ZFHX3: variants seen among roughly 807,000 people sequenced by gnomAD.
The protein encoded by ZFHX3 is zinc finger homeobox protein 3.
ZFHX3 carries 42 observed loss-of-function variants against 279.1 expected under a neutral mutation model. That is an observed-to-expected ratio of 0.15 (90% CI 0.12 to 0.19). The LOEUF (loss-of-function observed/expected upper bound fraction) is 0.19, where lower values mean the gene tolerates loss of function less well. ZFHX3 is among the 10% of genes least tolerant of loss of function. The pLI, the probability that ZFHX3 is intolerant of heterozygous loss-of-function variation, is 1.00. For missense variants in ZFHX3, 4,981 were observed against 4,754.0 expected, an observed-to-expected ratio of 1.05 and a Z score of -1.40; for synonymous variants, 2,293 against 1,957.8, an observed-to-expected ratio of 1.17 and a Z score of -4.52.
intron 9 of ZFHX3, chr16:72,791,748 C>G (rs1387375250): frequency 6.6e-6 from 1 of 152,228 alleles, no homozygotes; most frequent in Non-Finnish European, 1.5e-5. Flanking sequence ...TTATGTCTAG[C>G]TGGCTTTCTG....
intron 1 of ZFHX3, among the ~76,000 whole-genome samples, chr16:72,985,238 G>T (rs1007362906): frequency 6.6e-6 from 1 of 152,264 alleles, no homozygotes; most frequent in South Asian, 2.1e-4. Flanking sequence ...CCAGAGATGG[G>T]CTATCCAGTG....
intron 2 of ZFHX3, among the ~76,000 whole-genome samples, chr16:73,639,329 T>C (rs2052554072): frequency 6.6e-6 from 1 of 152,154 alleles, no homozygotes; most frequent in South Asian, 2.1e-4. Flanking sequence ...TTACTGTTTA[T>C]GCAAGAAAAT....
intron 5 of ZFHX3, among the ~76,000 whole-genome samples, chr16:73,220,897 A>G (rs1395133924): frequency 6.6e-6 from 1 of 152,100 alleles, no homozygotes; most frequent in Non-Finnish European, 1.5e-5. Context: ...AGCACGGGCG[A>G]TGGATGTTTT....
intron 2 of ZFHX3, chr16:73,554,756 G>C (rs1304376823): frequency 1.3e-5 from 2 of 152,140 alleles, no homozygotes; most frequent in Non-Finnish European, 2.9e-5. Flanking sequence ...GACAGCTTCT[G>C]CTACTCGGTG....
intron 2 of ZFHX3, among the ~76,000 whole-genome samples, chr16:73,520,348 T>C (rs781490486): frequency 3.9e-5 from 6 of 152,238 alleles, no homozygotes; most frequent in Non-Finnish European, 7.3e-5. Flanking sequence ...TCATCTAAGA[T>C]GAAAACTAAA....
In ZFHX3 at chr16:72,794,564, T is replaced by C. The variant is rs1311969314; in HGVS notation, c.8118A>G (p.Pro2706=). The part of the protein sequence containing the change: ...ERKGQFRAVG[P]AQAHRRCPFC... ...AAGGGCATCTCCTGTGGGCCTGCGCTGGGCCTACAGCCCGGAACTGTCCTT... is the reference window on the plus strand; with the variant it reads ...AAGGGCATCTCCTGTGGGCCTGCGCCGGGCCTACAGCCCGGAACTGTCCTT... Residue 2706 remains proline (P), a synonymous_variant, in exon 9 of 10, where the codon CCA becomes CCG. Coordinates refer to ENST00000268489, the MANE Select transcript of ZFHX3 (RefSeq NM_006885.4). The surrounding 1 kb of genome is among the most constrained non-coding windows in gnomAD (Gnocchi z 4.2). 1 of 1,614,238 alleles carries C rather than the reference T, an allele frequency of 6.2e-7. No individual in the cohort carries two copies. The highest frequency in any genetic ancestry group is 2.2e-5 in the East Asian group (1 of 44,878).
At chr16:73,153,028 G>A (rs1304419418) in intron 5 of ZFHX3, among the ~76,000 whole-genome samples, 2 of 152,128 alleles carry the variant, frequency 1.3e-5, no homozygotes, top group African/African-American at 2.4e-5. Context: ...GCTTTGTTAG[G>A]AGGAGGTCAG....
chr16:72,852,177 G>C (rs1036001050), intron 4 of ZFHX3, among the ~76,000 whole-genome samples: 2 of 152,108 alleles, frequency 1.3e-5, no homozygotes, highest in African/African-American at 4.8e-5. Flanking sequence ...TTGATCTGTT[G>C]ATCAACTCTG....
intron 2 of ZFHX3, among the ~76,000 whole-genome samples, chr16:73,618,772 G>T (rs1024756071): frequency 2.6e-5 from 4 of 152,190 alleles, no homozygotes; most frequent in African/African-American, 9.6e-5. Flanking sequence ...ACCCCAGAGA[G>T]GCCAGGTGGA....
At chr16:73,349,292 C>T (rs2016180180) in intron 3 of ZFHX3, among the ~76,000 whole-genome samples, 1 of 152,162 alleles carries the variant, frequency 6.6e-6, no homozygotes, top group Non-Finnish European at 1.5e-5. Context: ...CACCCTTCCC[C>T]TGGAGTCACA....
At chr16:73,380,236 G>C (rs1323930773) in intron 3 of ZFHX3, among the ~76,000 whole-genome samples, 1 of 151,894 alleles carries the variant, frequency 6.6e-6, no homozygotes, top group Non-Finnish European at 1.5e-5. Context: ...AGTATATAAG[G>C]GAAAAAAGAG....
intron 2 of ZFHX3, among the ~76,000 whole-genome samples, chr16:73,644,033 A>G (rs2142158608): frequency 6.6e-6 from 1 of 152,256 alleles, no homozygotes; most frequent in South Asian, 2.1e-4. Context: ...TTTAGACTTA[A>G]GGTTCATTCA....
chr16:72,886,905 G>A (rs986228026), intron 4 of ZFHX3, among the ~76,000 whole-genome samples: 3 of 152,180 alleles, frequency 2.0e-5, no homozygotes, highest in South Asian at 4.1e-4. Context: ...TGGGATCAGA[G>A]GCAAAGCAGA....
At chr16:72,923,646 C>G (rs1959266734) in intron 3 of ZFHX3, among the ~76,000 whole-genome samples, 3 of 151,842 alleles carry the variant, frequency 2.0e-5, no homozygotes, top group African/African-American at 7.3e-5. Flanking sequence ...CCAGGAGCAC[C>G]CAGGAATTAA....
chr16:72,895,319 T>C (rs1202310316), intron 3 of ZFHX3, among the ~76,000 whole-genome samples: 1 of 152,188 alleles, frequency 6.6e-6, no homozygotes, highest in Non-Finnish European at 1.5e-5. Flanking sequence ...AGGGGCCTCC[T>C]AGCTAACTCA....
At chr16:73,105,707 C>T (rs142677184) in intron 7 of ZFHX3, among the ~76,000 whole-genome samples, 7,321 of 152,080 alleles carry the variant, frequency 0.048, 488 homozygotes, top group Admixed American at 0.18. Context: ...GGGCTGAGAT[C>T]GTGCCACTGC....
intron 5 of ZFHX3, among the ~76,000 whole-genome samples, chr16:73,170,649 G>A (rs990496596): frequency 3.3e-4 from 51 of 152,314 alleles, no homozygotes; most frequent in African/African-American, 1.2e-3. Flanking sequence ...TTTGCTGATG[G>A]GGCTGGCAGA....
At chr16:72,873,270 C>T (rs1163146546) in intron 4 of ZFHX3, among the ~76,000 whole-genome samples, 2 of 152,202 alleles carry the variant, frequency 1.3e-5, no homozygotes, top group Non-Finnish European at 2.9e-5. Context: ...CTGCAAAGCT[C>T]AACATGCCCT....
chr16:72,981,176 C>T (rs979172680), intron 1 of ZFHX3, among the ~76,000 whole-genome samples: 1 of 152,178 alleles, frequency 6.6e-6, no homozygotes, highest in African/African-American at 2.4e-5. Flanking sequence ...TACTGACCCC[C>T]ACTCTTACTC....
Sources: gnomAD v4.1 joint callset for allele counts (sites outside exome capture counted in the v4.1 genomes callset) on GRCh38, gnomAD v4.1.1 for gene constraint, Gnocchi (gnomAD v3.1) non-coding constraint, MANE v1.5 for transcripts, NCBI Gene and HGNC (gene_info 2026-07-23, HGNC 2026-07-21) for gene names.